ADAMTS3: variants seen among roughly 807,000 people sequenced by gnomAD.
The protein encoded by ADAMTS3 is A disintegrin and metalloproteinase with thrombospondin motifs 3.
Under a neutral mutation model 129.0 loss-of-function variants are expected in ADAMTS3, and 73 were observed. The ratio of observed to expected loss-of-function variants is 0.57; its 90% confidence interval spans 0.47 to 0.69. ADAMTS3 has a LOEUF of 0.69. Among genes scored for constraint, ADAMTS3 ranks in the 30% least tolerant of loss-of-function variants. ADAMTS3 has a pLI of 0.00. For synonymous variants in ADAMTS3, 477 were observed against 510.8 expected (o/e 0.93, Z 0.89); for missense variants, 1,457 against 1,514.5 (o/e 0.96, Z 0.63).
At chr4:72,466,951 T>A (rs958280314) in intron 3 of ADAMTS3, among the ~76,000 whole-genome samples, 3 of 152,050 alleles carry the variant, frequency 2.0e-5, no homozygotes. Context: ...GAGATGATAA[T>A]ACCTCAAGGG....
chr4:72,323,485 C>T (rs1719618748), intron 5 of ADAMTS3, among the ~76,000 whole-genome samples: 1 of 152,118 alleles, frequency 6.6e-6, no homozygotes, highest in Admixed American at 6.6e-5. Flanking sequence ...AGGAAAACAG[C>T]AAGCATTTGC....
rs375753017 is a variant in ADAMTS3 at position 72,459,692 on chromosome 4, T to A, written c.505-44721A>T. Among the ~76,000 whole-genome samples the A allele has an allele frequency of 3.3e-5, 5 of 151,674 alleles. No individual in the cohort carries two copies. The East Asian group carries it at 9.7e-4, about 30-fold the overall frequency. On this transcript the variant is annotated intron_variant, in intron 3 of 21. Transcript: ENST00000286657. ...TCTAATATCAACAAAAAGACTATTA[T>A]CTAAGGGTTACATAACCAGGGAAAG...
At chr4:72,556,045 T>C (rs1250997254) in intron 2 of ADAMTS3, among the ~76,000 whole-genome samples, 1 of 151,664 alleles carries the variant, frequency 6.6e-6, no homozygotes, top group Non-Finnish European at 1.5e-5. Context: ...TTTACATCAA[T>C]GGCAAAACCC....
intron 20 of ADAMTS3, among the ~76,000 whole-genome samples, chr4:72,289,234 A>G (rs1241553979): frequency 2.0e-5 from 3 of 152,214 alleles, no homozygotes; most frequent in African/African-American, 7.2e-5. Flanking sequence ...AGCATATCAT[A>G]TGAAAGAAGC....
At chr4:72,293,566 T>C (rs1176523490) in intron 19 of ADAMTS3, among the ~76,000 whole-genome samples, 1 of 152,174 alleles carries the variant, frequency 6.6e-6, no homozygotes, top group Non-Finnish European at 1.5e-5. Flanking sequence ...TTCTATGGAA[T>C]CTTTTTTATA....
At chr4:72,317,965 G>T (rs1001576361) in intron 10 of ADAMTS3, among the ~76,000 whole-genome samples, 1 of 151,710 alleles carries the variant, frequency 6.6e-6, no homozygotes, top group African/African-American at 2.4e-5. Flanking sequence ...GGAGGCGGAG[G>T]TTGCAGTGAG....
At chr4:72,383,783 T>A (rs1721362575) in intron 4 of ADAMTS3, among the ~76,000 whole-genome samples, 1 of 152,096 alleles carries the variant, frequency 6.6e-6, no homozygotes, top group Non-Finnish European at 1.5e-5. Context: ...AAGAAACAAT[T>A]CAAAATTAGA....
Position 72,313,828 on chromosome 4 carries a change from A to C in ADAMTS3, c.1600-6T>G, listed in dbSNP as rs760575169. The C allele has an allele frequency of 1.2e-6, 2 of 1,613,426 alleles. No homozygotes were observed. Among genetic ancestry groups the C allele is most frequent in the South Asian group, 2.2e-5 (2 of 91,042 alleles). On this transcript the variant is annotated splice_region_variant and splice_polypyrimidine_tract_variant and intron_variant, in intron 11 of 21. Transcript: ENST00000286657. ...CAATGACCCTTATAGCACCACTTAG[A>C]AAAATGACAAAAGGTAATTATTAAA...
rs766251738 is a variant in ADAMTS3, at chr4:72,388,174, C to T, written c.661+26641G>A. On this transcript the variant is annotated intron_variant, in intron 4 of 21. Transcript: ENST00000286657. ...TGTCATGCCATGTGACAGACACAAC[C>T]GCAAGGCTTGGACCCCAGCCCACTG... Among the ~76,000 whole-genome samples, 33 of 152,164 alleles carry T rather than the reference C, an allele frequency of 2.2e-4. 1 individual carries two copies. Among genetic ancestry groups the T allele is most frequent in the African/African-American group, 5.3e-4 (22 of 41,442 alleles).
chr4:72,309,313 A>C, intron 15 of ADAMTS3, 84 bp downstream of exon 15: 2 of 1,406,260 alleles, frequency 1.4e-6, no homozygotes, highest in South Asian at 2.5e-5. Flanking sequence ...TTTATAGAGA[A>C]AATGCTGCAT....
At chr4:72,455,919 CTATATATAT>C (rs1560522128) in intron 3 of ADAMTS3, among the ~76,000 whole-genome samples, 20 of 98,956 alleles carry the variant, frequency 2.0e-4, no homozygotes, top group African/African-American at 9.1e-4. Context: ...TGTATATATA[CTATATATAT>C]TTTATATATA....
intron 3 of ADAMTS3, among the ~76,000 whole-genome samples, chr4:72,520,880 T>G (rs1044221338): frequency 4.6e-5 from 7 of 152,062 alleles, no homozygotes; most frequent in Non-Finnish European, 7.4e-5. Flanking sequence ...CACTGCCTAG[T>G]GAGATGAACC....
intron 3 of ADAMTS3, among the ~76,000 whole-genome samples, chr4:72,459,475 C>T (rs1020960675): frequency 2.6e-5 from 4 of 151,490 alleles, no homozygotes; most frequent in South Asian, 2.1e-4. Context: ...TGATTAAGAG[C>T]GTGAGGTTTA....
At chr4:72,296,727 G>A (rs1718818667) in intron 18 of ADAMTS3, among the ~76,000 whole-genome samples, 1 of 151,896 alleles carries the variant, frequency 6.6e-6, no homozygotes, top group Non-Finnish European at 1.5e-5. Context: ...TTAAAATCAG[G>A]ACATTTAACA....
chr4:72,289,048 A>G (rs1718591785), intron 20 of ADAMTS3, among the ~76,000 whole-genome samples, 180 bp from the exon 21 acceptor site: 1 of 151,720 alleles, frequency 6.6e-6, no homozygotes, highest in Non-Finnish European at 1.5e-5. Flanking sequence ...CTGAGTTTAT[A>G]TTCTGACTCC....
In ADAMTS3 at chr4:72,460,027, T is replaced by G. The variant is rs1718720182; in HGVS notation, c.505-45056A>C. 2.0e-5 allele frequency among the ~76,000 whole-genome samples: 3 copies of G among 151,558 alleles called. No individual in the cohort carries two copies. In the South Asian group the frequency reaches 6.2e-4, roughly 31 times the overall value. On this transcript the variant is annotated intron_variant, in intron 3 of 21. Transcript: ENST00000286657. ...TATCAGAGATCAAAATGTTTCAGATTTTGGAACATATCAGATTTTGGATTT... is the reference window on the plus strand; with the variant it reads ...TATCAGAGATCAAAATGTTTCAGATGTTGGAACATATCAGATTTTGGATTT...
rs367831484 is a variant in ADAMTS3 at position 72,288,853 on chromosome 4, C to T, written c.2947G>A (p.Gly983Ser). 3.7e-6 allele frequency: 6 copies of T among 1,608,166 alleles called. No individual in the cohort carries two copies. The highest frequency in any genetic ancestry group is 1.7e-5 in the Admixed American group (1 of 59,676). ...GPWSECSVTCGEGTEVRQVLC... is the reference protein window; with the variant it reads ...GPWSECSVTCSEGTEVRQVLC... The stretch of plus-strand genomic sequence containing the variant: ...ACCTGCCTCACCTCCGTTCCTTCAC[C>T]GCAGGTCACTGAACACTGCAGAGAC... The change falls in exon 21 of 22, where the codon GGT becomes AGT. Residue 983 changes from glycine (G) to serine (S), a missense_variant. Coordinates refer to ENST00000286657, the MANE Select transcript of ADAMTS3 (RefSeq NM_014243.3).
At chr4:72,339,437 C>T (rs1720073947) in intron 5 of ADAMTS3, 57 bp downstream of exon 5, 12 of 1,569,002 alleles carry the variant, frequency 7.6e-6, no homozygotes, top group Non-Finnish European at 8.8e-6. Flanking sequence ...AGGGTACCAA[C>T]AAATAAGAGA....
At chr4:72,470,011 G>T (rs889712391) in intron 3 of ADAMTS3, among the ~76,000 whole-genome samples, 6 of 152,016 alleles carry the variant, frequency 3.9e-5, no homozygotes, top group Admixed American at 3.9e-4. Flanking sequence ...TCACTGCATG[G>T]GGGTTGGTTG....
Sources: allele counts gnomAD v4.1 joint callset (sites outside exome capture counted in the v4.1 genomes callset), GRCh38; gene constraint gnomAD v4.1.1; transcripts MANE v1.5; gene names NCBI Gene and HGNC (gene_info 2026-07-23, HGNC 2026-07-21).